SLC2A7: variants seen among roughly 807,000 people sequenced by gnomAD.
The protein encoded by SLC2A7 is solute carrier family 2 member 7.
SLC2A7 carries 50 observed loss-of-function variants against 50.5 expected under a neutral mutation model. The ratio of observed to expected loss-of-function variants is 0.99; its 90% CI spans 0.79 to 1.25. The LOEUF (loss-of-function observed/expected upper bound fraction) is 1.25. SLC2A7 is among the 50% of genes most tolerant of loss of function. The probability of loss-of-function intolerance (pLI) is 0.00; values close to 1 mark genes in which losing one functional copy is unlikely to be tolerated. For synonymous variants in SLC2A7, 308 were observed against 300.4 expected, an observed-to-expected ratio of 1.03 and a Z score of -0.26; for missense variants, 683 against 679.1, an observed-to-expected ratio of 1.01 and a Z score of -0.06.
the SLC2A7 span, among the ~76,000 whole-genome samples, chr1:8,997,773 A>AT: frequency 6.6e-6 from 1 of 152,048 alleles, no homozygotes; most frequent in African/African-American, 2.4e-5. Context: ...ATGATTTGCA[A>AT]TTTTTTTGTG....
intron 8 of SLC2A7, 102 bp from the exon 9 acceptor site, chr1:9,010,346 TTCTTTCTTTTG>T: frequency 1.2e-6 from 1 of 855,242 alleles, no homozygotes. Flanking sequence ...AGGTGCCCCT[TTCTTTCTTTTG>T]TCTTTCTTTC....
chr1:9,009,530 C>T (rs1202627680), intron 9 of SLC2A7, among the ~76,000 whole-genome samples: 2 of 152,222 alleles, frequency 1.3e-5, no homozygotes, highest in African/African-American at 2.4e-5. Flanking sequence ...GATCATGGCT[C>T]ACTGCAGCCT....
At chr1:9,018,842 G>A (rs1272519629) in intron 4 of SLC2A7, among the ~76,000 whole-genome samples, 1 of 128,508 alleles carries the variant, frequency 7.8e-6, no homozygotes, top group Non-Finnish European at 1.6e-5. Context: ...GTACTTCAAG[G>A]TGAAAGTGTT....
At position 9,023,835 on chromosome 1, in the gene SLC2A7, C is replaced by CTTTTTTTTTTTTT. The variant is rs1557653846; in HGVS notation, c.151-758_151-757insAAAAAAAAAAAAA. Among the ~76,000 whole-genome samples, 27 of 65,996 alleles carry CTTTTTTTTTTTTT rather than the reference C, an allele frequency of 4.1e-4. 4 individuals carry two copies. Among genetic ancestry groups the CTTTTTTTTTTTTT allele is most frequent in the South Asian group, 1.3e-3 (2 of 1,484 alleles). The allele number at this position is 65,996 out of a possible 152,430, so 43.3% of individuals were successfully genotyped here. On this transcript the variant is annotated intron_variant, in intron 2 of 11. Transcript: ENST00000400906. ...CAGAGGCACCATAGGAAATATTCTTCTTCTTTTTTTTTTTTTTTTTTTTTT... is the reference window on the plus strand; with the variant it reads ...CAGAGGCACCATAGGAAATATTCTTCTTTTTTTTTTTTTTTCTTTTTTTTTTTTTTTTTTTTTT...
At chr1:9,011,476 A>C (rs995915278) in intron 8 of SLC2A7, among the ~76,000 whole-genome samples, 4 of 152,200 alleles carry the variant, frequency 2.6e-5, no homozygotes, top group Non-Finnish European at 5.9e-5. Context: ...CAACATAGTA[A>C]GACCCTGTCT....
chr1:9,014,260 A>G (rs1640792433), intron 7 of SLC2A7, among the ~76,000 whole-genome samples: 1 of 152,234 alleles, frequency 6.6e-6, no homozygotes, highest in South Asian at 2.1e-4. Flanking sequence ...GGTTAGATAC[A>G]GTTACAGCCA....
rs1202777688 is a variant in SLC2A7, at chr1:9,008,060, A to ACT, written c.1117-677_1117-676dup. ...GGACTTTCTCTACCATTCTCTGGAG[A>ACT]CTCCTAGGACCCCCGGACCCGTGGA... is the stretch of plus-strand genomic sequence containing the variant. On this transcript the variant is annotated intron_variant, in intron 9 of 11. Coordinates refer to ENST00000400906, the MANE Select transcript of SLC2A7 (RefSeq NM_207420.3). The surrounding 1 kb of genome is among the most constrained non-coding windows in gnomAD (Gnocchi z 5.9). 6.6e-6 allele frequency among the ~76,000 whole-genome samples: 1 copy of ACT among 151,382 alleles called. No homozygotes were observed. Among genetic ancestry groups the ACT allele is most frequent in the Non-Finnish European group, 1.5e-5 (1 of 67,842 alleles).
chr1:9,024,084 G>C (rs1404496750), intron 2 of SLC2A7, among the ~76,000 whole-genome samples: 1 of 151,912 alleles, frequency 6.6e-6, no homozygotes, highest in Non-Finnish European at 1.5e-5. Flanking sequence ...TTGAACTCCT[G>C]ATTTCAGGTG....
At chr1:9,015,320 G>T (rs967192405) in intron 5 of SLC2A7, 78 bp from the exon 6 acceptor site, 1 of 1,456,360 alleles carries the variant, frequency 6.9e-7, no homozygotes, top group Non-Finnish European at 9.0e-7. Context: ...GGAAGGTCAC[G>T]CTCCTATGTG....
the SLC2A7 span, among the ~76,000 whole-genome samples, chr1:8,994,301 A>G: frequency 6.6e-6 from 1 of 152,134 alleles, no homozygotes. Context: ...TCTTTGGAGC[A>G]CCTGGGCTTA....
intron 9 of SLC2A7, among the ~76,000 whole-genome samples, chr1:9,009,566 C>T (rs1640712174): frequency 6.6e-6 from 1 of 152,210 alleles, no homozygotes; most frequent in Admixed American, 6.5e-5. Context: ...AGGTGATCCT[C>T]CCACCTCAGC....
At chr1:9,009,184 A>T (rs1006600038) in intron 9 of SLC2A7, among the ~76,000 whole-genome samples, 6 of 152,198 alleles carry the variant, frequency 3.9e-5, no homozygotes, top group African/African-American at 1.4e-4. Flanking sequence ...TCTTGTACTC[A>T]TGTGCAATTG....
chr1:8,998,688 C>T (rs1486181463), downstream of SLC2A7, among the ~76,000 whole-genome samples: 2 of 152,172 alleles, frequency 1.3e-5, no homozygotes, highest in African/African-American at 4.8e-5. Context: ...TCCCCACCCC[C>T]TGCCAAAAAC....
chr1:9,015,270 CG>C (rs1222696295), intron 5 of SLC2A7, 28 bp from the exon 6 acceptor site: 5 of 1,552,132 alleles, frequency 3.2e-6, no homozygotes, highest in African/African-American at 2.7e-5. Flanking sequence ...CTCAGGATCC[CG>C]GGGCCTGGGC....
chr1:9,025,208 A>T, intron 1 of SLC2A7, 134 bp from the exon 2 acceptor site: 3 of 878,838 alleles, frequency 3.4e-6, no homozygotes, highest in Non-Finnish European at 5.3e-6. Context: ...CCCGGAAAAG[A>T]GGAGGAGGTG....
chr1:9,005,698 C>G (rs1640644261), intron 10 of SLC2A7, among the ~76,000 whole-genome samples: 1 of 145,536 alleles, frequency 6.9e-6, no homozygotes, highest in African/African-American at 2.6e-5. Flanking sequence ...CCCAGCTACT[C>G]AGGAGGCTGA....
At chr1:8,996,116 T>C in the SLC2A7 span, among the ~76,000 whole-genome samples, 3 of 152,348 alleles carry the variant, frequency 2.0e-5, no homozygotes, top group African/African-American at 7.2e-5. Flanking sequence ...GTACATGTGA[T>C]ATTTTGACAT....
downstream of SLC2A7, among the ~76,000 whole-genome samples, chr1:9,001,541 C>T (rs148708689): frequency 5.2e-4 from 79 of 151,826 alleles, no homozygotes; most frequent in African/African-American, 1.8e-3. Flanking sequence ...GCCTCAGCCT[C>T]CCAAGCAGCT....
At chr1:9,007,286 C>T (rs111658333) in intron 10 of SLC2A7, 24 bp downstream of exon 10, 271 of 1,613,428 alleles carry the variant, frequency 1.7e-4, no homozygotes, top group Middle Eastern at 3.3e-4. Context: ...ATGGCCGGGG[C>T]GAGGGAGGCG....
Sources: allele counts gnomAD v4.1 joint callset (sites outside exome capture counted in the v4.1 genomes callset), GRCh38; gene constraint gnomAD v4.1.1; non-coding constraint Gnocchi (gnomAD v3.1); transcripts MANE v1.5; gene names NCBI Gene and HGNC (gene_info 2026-07-23, HGNC 2026-07-21).